The following ERCC6 variants were observed in gnomAD, a reference collection of about 807,000 sequenced individuals.
ERCC6 encodes ERCC excision repair 6, chromatin remodeling factor, also known as DNA excision repair protein ERCC-6.
A neutral mutation model predicts 158.7 loss-of-function variants in ERCC6; 116 were observed. The ratio of observed to expected loss-of-function variants is 0.73; its 90% CI spans 0.63 to 0.85. ERCC6 has a LOEUF of 0.85. ERCC6 is among the 40% of genes least tolerant of loss of function. The pLI, the probability that ERCC6 is intolerant of heterozygous loss-of-function variation, is 0.00. For missense variants in ERCC6, 1,698 were observed against 1,799.4 expected, an observed-to-expected ratio of 0.94 and a Z score of 1.02; for synonymous variants, 678 against 659.3, an observed-to-expected ratio of 1.03 and a Z score of -0.43.
intron 6 of ERCC6, chr10:49,501,856 AG>A (rs1377943944): frequency 6.6e-6 from 1 of 151,870 alleles, no homozygotes; most frequent in Non-Finnish European, 1.5e-5. Context: ...GCTACTTGGG[AG>A]GCTAAGGTGA....
chr10:49,505,837 A>C (rs1177175695), intron 6 of ERCC6, 47 bp downstream of exon 6: 2 of 1,610,292 alleles, frequency 1.2e-6, no homozygotes, highest in Non-Finnish European at 1.7e-6. Context: ...TAATTTGTAC[A>C]TAATGGCTTG....
intron 8 of ERCC6, chr10:49,488,253 G>A: frequency 5.1e-6 from 1 of 194,930 alleles, no homozygotes; most frequent in East Asian, 1.2e-4. Context: ...GGCAAACAGT[G>A]GACTGGTGGA....
chr10:49,510,521 G>A (rs549931962), intron 5 of ERCC6, among the ~76,000 whole-genome samples: 1 of 152,128 alleles, frequency 6.6e-6, no homozygotes, highest in East Asian at 1.9e-4. Context: ...GTCTTCCAAG[G>A]GCCCTCCCAA....
At chr10:49,526,994 GAT>G (rs1249976234) in intron 4 of ERCC6, among the ~76,000 whole-genome samples, 2 of 152,162 alleles carry the variant, frequency 1.3e-5, no homozygotes, top group African/African-American at 4.8e-5. Flanking sequence ...CAATATTTAA[GAT>G]ATGGCCAGAA....
At position 49,478,471 on chromosome 10, in the gene ERCC6, C is replaced by T. The variant is rs1310452605; in HGVS notation, c.2170-1G>A. On this transcript the variant is annotated splice_acceptor_variant, in intron 10 of 20. Coordinates refer to ENST00000355832, the MANE Select transcript of ERCC6 (RefSeq NM_000124.4). LOFTEE classifies it high-confidence loss of function. Reference sequence around the variant, plus strand: ...ATGCACACTTGTAAGCAGTTTTGACCTTTAATAAGAGCAGAGAAGGGAACA... The same window carrying T: ...ATGCACACTTGTAAGCAGTTTTGACTTTTAATAAGAGCAGAGAAGGGAACA... 16 of 1,577,644 alleles carry T rather than the reference C, an allele frequency of 1.0e-5. No homozygotes were observed. Among genetic ancestry groups the T allele is most frequent in the Non-Finnish European group, 1.1e-5 (13 of 1,147,970 alleles).
chr10:49,456,165 A>G lies in ERCC6; in HGVS notation c.*2650T>C, dbSNP rs575641131. 22 of 152,204 alleles carry G rather than the reference A, an allele frequency of 1.4e-4. No homozygotes were observed. The highest frequency in any genetic ancestry group is 2.8e-4 in the Non-Finnish European group (19 of 68,024). 9.4% of individuals were successfully genotyped at this position (152,204 alleles called of 1,614,324 possible). A position where few individuals can be genotyped will look rare whatever the true frequency, so the allele number is the denominator to read the frequency against. On this transcript the variant is annotated 3_prime_UTR_variant, in exon 21 of 21. Transcript: ENST00000355832. The stretch of plus-strand genomic sequence containing the variant: ...AAGACAGTAGCTTAAGCAAGTCAGT[A>G]TTTTATTTTACTCTTAAATAACAGG...
chr10:49,475,164 C>G (rs1431034312), intron 12 of ERCC6, among the ~76,000 whole-genome samples: 2 of 152,132 alleles, frequency 1.3e-5, no homozygotes, highest in African/African-American at 4.8e-5. Flanking sequence ...TGAAGTGTGG[C>G]TAGTCCAAAT....
At chr10:49,471,558 C>A (rs752582131) in intron 16 of ERCC6, among the ~76,000 whole-genome samples, 14 of 152,186 alleles carry the variant, frequency 9.2e-5, no homozygotes, top group Non-Finnish European at 1.9e-4. Context: ...CCTGCTCCCA[C>A]CTGCAGGTCC....
intron 18 of ERCC6, 47 bp from the exon 19 acceptor site, chr10:49,461,603 G>A (rs1240187501): frequency 6.4e-7 from 1 of 1,558,232 alleles, no homozygotes; most frequent in South Asian, 1.2e-5. Flanking sequence ...CTGTATGCAA[G>A]AAAGACACTT....
At chr10:49,437,017 T>G in the ERCC6 span, among the ~76,000 whole-genome samples, 3 of 152,170 alleles carry the variant, frequency 2.0e-5, no homozygotes, top group Non-Finnish European at 4.4e-5. Context: ...CCACCTGTTG[T>G]GGGAAGCACC....
chr10:49,459,323 C>T, intron 20 of ERCC6, 89 bp from the exon 21 acceptor site: 2 of 1,417,584 alleles, frequency 1.4e-6, no homozygotes, highest in Non-Finnish European at 2.0e-6. Context: ...GGTCACAAGA[C>T]AACACATGTG....
At position 49,500,705 on chromosome 10, in the gene ERCC6, A is replaced by G. The variant is rs1303137109; in HGVS notation, c.1527-9T>C. On this transcript the variant is annotated splice_polypyrimidine_tract_variant and intron_variant, in intron 6 of 20. Transcript: ENST00000355832. ...CACCTGTCTGCTGGTACCTATGACA[A>G]CAAACACCAACAAGAAAAGAGAAAA... is the stretch of plus-strand genomic sequence containing the variant. 6.2e-7 allele frequency: 1 copy of G among 1,613,208 alleles called. No individual in the cohort carries two copies. The highest frequency in any genetic ancestry group is 8.5e-7 in the Non-Finnish European group (1 of 1,179,760).
chr10:49,526,117 TTATATATATATATATATATA>T lies in ERCC6; in HGVS notation c.653-1360_653-1341del, dbSNP rs55801003. Reference sequence around the variant, plus strand: ...TATATATTTATATATTTATATATTTTTATATATATATATATATATATATATATATATATATATATATATAT... The same window carrying T: ...TATATATTTATATATTTATATATTTTTATATATATATATATATATATATAT... On this transcript the variant is annotated intron_variant, in intron 4 of 20. Coordinates refer to ENST00000355832, the MANE Select transcript of ERCC6 (RefSeq NM_000124.4). Among the ~76,000 whole-genome samples, 143 of 43,614 alleles carry T rather than the reference TTATATATATATATATATATA, an allele frequency of 3.3e-3. 7 individuals carry two copies. The highest frequency in any genetic ancestry group is 0.011 in the African/African-American group (132 of 11,604). The allele number at this position is 43,614 out of a possible 152,430, so 28.6% of individuals were successfully genotyped here.
the ERCC6 span, among the ~76,000 whole-genome samples, chr10:49,441,914 C>T: frequency 2.0e-5 from 3 of 152,180 alleles, no homozygotes; most frequent in Non-Finnish European, 2.9e-5. Flanking sequence ...GTGTGCTTTA[C>T]CACTGAAAGC....
At chr10:49,506,130 T>C (rs1212960183) in intron 5 of ERCC6, 118 bp from the exon 6 acceptor site, 3 of 1,147,470 alleles carry the variant, frequency 2.6e-6, no homozygotes, top group Non-Finnish European at 3.9e-6. Context: ...CTTAGGTTAA[T>C]GCTGCCATTA....
chr10:49,454,844 G>A lies in ERCC6; in HGVS notation c.*3971C>T, dbSNP rs1010439832. On this transcript the variant is annotated 3_prime_UTR_variant, in exon 21 of 21. Coordinates refer to ENST00000355832, the MANE Select transcript of ERCC6 (RefSeq NM_000124.4). ...GTTACTAAGCAAAGTTAGATAAATG[G>A]ACCAATTTAACAGAATGCAGAGCCA... Among the ~76,000 whole-genome samples, 2 of 152,134 alleles carry A rather than the reference G, an allele frequency of 1.3e-5. No homozygotes were observed. Among genetic ancestry groups the A allele is most frequent in the African/African-American group, 4.8e-5 (2 of 41,420 alleles).
At chr10:49,463,291 G>A (rs1850616319) in intron 18 of ERCC6, among the ~76,000 whole-genome samples, 1 of 152,166 alleles carries the variant, frequency 6.6e-6, no homozygotes, top group African/African-American at 2.4e-5. Flanking sequence ...TTTTGACTGT[G>A]ACCCATCACA....
rs767084788 is a variant in ERCC6, at chr10:49,474,049, A to G, written c.2576T>C (p.Leu859Ser). 3.1e-6 allele frequency: 5 copies of G among 1,614,084 alleles called. No homozygotes were observed. The highest frequency in any genetic ancestry group is 4.2e-6 in the Non-Finnish European group (5 of 1,180,022). ...KIWHKQGQRVLLFSQSRQMLD... is the reference protein window; with the variant it reads ...KIWHKQGQRVSLFSQSRQMLD... ...CACCTGCCTTGACTGAGAAAACAGC[A>G]ATACTCGCTGACCCTGCTTGTGCCA... is the stretch of plus-strand genomic sequence containing the variant. The change falls in exon 13 of 21, where the codon TTG (leucine) becomes TCG (serine). Residue 859 changes from leucine to serine, a missense_variant. Coordinates refer to ENST00000355832, the MANE Select transcript of ERCC6 (RefSeq NM_000124.4).
intron 5 of ERCC6, among the ~76,000 whole-genome samples, chr10:49,520,763 C>T (rs1161685157): frequency 6.6e-6 from 1 of 152,146 alleles, no homozygotes; most frequent in Non-Finnish European, 1.5e-5. Context: ...GAAAGTGAAG[C>T]CCACCTGCCC....
Sources: allele counts gnomAD v4.1 joint callset (sites outside exome capture counted in the v4.1 genomes callset), GRCh38; gene constraint gnomAD v4.1.1; transcripts MANE v1.5; gene names NCBI Gene and HGNC (gene_info 2026-07-23, HGNC 2026-07-21).